CAMSAP2: variants seen among roughly 807,000 people sequenced by gnomAD.
CAMSAP2 encodes calmodulin regulated spectrin associated protein family member 2, also known as calmodulin-regulated spectrin-associated protein 2.
CAMSAP2 carries 26 observed loss-of-function variants against 146.1 expected under a neutral mutation model. The observed-to-expected ratio is 0.18, with a 90% CI of 0.13 to 0.25. The LOEUF is 0.25. CAMSAP2 is among the 10% of genes least tolerant of loss of function. CAMSAP2 has a pLI of 1.00. For missense variants in CAMSAP2, 1,381 were observed against 1,759.3 expected, an observed-to-expected ratio of 0.78 and a Z score of 3.85; for synonymous variants, 499 against 596.6, an observed-to-expected ratio of 0.84 and a Z score of 2.38.
chr1:200,783,029 G>A (rs564244994), intron 2 of CAMSAP2, among the ~76,000 whole-genome samples: 3 of 151,382 alleles, frequency 2.0e-5, no homozygotes, highest in Admixed American at 1.3e-4. Flanking sequence ...GCCTCCCAAA[G>A]TACTGGATTA....
chr1:200,791,508 A>G (rs182781311), intron 2 of CAMSAP2, among the ~76,000 whole-genome samples: 141 of 152,236 alleles, frequency 9.3e-4, no homozygotes, highest in South Asian at 2.7e-3. Flanking sequence ...TGTCCCACAC[A>G]CAGGTCACCG....
chr1:200,765,444 T>C (rs1664922322), intron 2 of CAMSAP2, among the ~76,000 whole-genome samples: 1 of 152,104 alleles, frequency 6.6e-6, no homozygotes, highest in African/African-American at 2.4e-5. Flanking sequence ...TTGGCCAGGC[T>C]GGTCTCGAGC....
At chr1:200,794,326 C>T (rs187364619) in intron 2 of CAMSAP2, among the ~76,000 whole-genome samples, 27 of 152,288 alleles carry the variant, frequency 1.8e-4, no homozygotes, top group Admixed American at 7.8e-4. Context: ...TGCAAATCAG[C>T]GGGTTTGGCA....
At chr1:200,814,131 C>CGGGGGGAGGGGGGGGCA (rs1553287674) in intron 3 of CAMSAP2, among the ~76,000 whole-genome samples, 2 of 14,302 alleles carry the variant, frequency 1.4e-4, no homozygotes, top group African/African-American at 4.8e-4. Flanking sequence ...AAAAAGGTGG[C>CGGGGGGAGGGGGGGGCA]GGGGGGAGGG....
At chr1:200,792,127 A>AT (rs34937962) in intron 2 of CAMSAP2, among the ~76,000 whole-genome samples, 48,116 of 151,982 alleles carry the variant, frequency 0.32, 8,667 homozygotes, top group East Asian at 0.52. Context: ...TAATAGTAAG[A>AT]TTAGTACTTC....
At position 200,849,564 on chromosome 1, in the gene CAMSAP2, A is replaced by G; in HGVS notation, c.2795A>G (p.Asp932Gly). 1.2e-6 allele frequency: 2 copies of G among 1,614,152 alleles called. No homozygotes were observed. The highest frequency in any genetic ancestry group is 1.7e-6 in the Non-Finnish European group (2 of 1,180,026). ...PQPSPQKQIR[D>G]FKPSKQAGLS... ...CCCTCTCCACAGAAACAGATTCGAGATTTTAAGCCTTCTAAGCAGGCAGGC... is the reference window on the plus strand; with the variant it reads ...CCCTCTCCACAGAAACAGATTCGAGGTTTTAAGCCTTCTAAGCAGGCAGGC... The change falls in exon 11 of 17, where the codon GAT (aspartate) becomes GGT (glycine). Residue 932 changes from aspartate to glycine, a missense_variant. By Grantham distance (94) the Asp-to-Gly change is moderately conservative. Around this residue, in one of 4 missense-constraint regions of CAMSAP2, gnomAD observed 560 missense variants for 715.9 expected, o/e 0.78. Transcript: ENST00000358823. This position sits in a 1 kb window ranked among gnomAD's most constrained non-coding sequence, Gnocchi z 6.3.
intron 6 of CAMSAP2, among the ~76,000 whole-genome samples, chr1:200,839,993 C>G (rs774607163): frequency 5.3e-5 from 8 of 152,108 alleles, no homozygotes; most frequent in Non-Finnish European, 1.2e-4. Context: ...TAGTATGTAT[C>G]TGTATATCAA....
chr1:200,783,852 A>T (rs191266804), intron 2 of CAMSAP2, among the ~76,000 whole-genome samples: 4 of 151,778 alleles, frequency 2.6e-5, no homozygotes, highest in Non-Finnish European at 2.9e-5. Context: ...CCAGTTTACA[A>T]TTTTTTTCTT....
At chr1:200,835,935 T>C (rs933657150) in intron 6 of CAMSAP2, among the ~76,000 whole-genome samples, 3 of 152,216 alleles carry the variant, frequency 2.0e-5, no homozygotes, top group African/African-American at 7.2e-5. Flanking sequence ...AGTCCTGATG[T>C]TTATATCAAC....
At chr1:200,817,321 GAAGA>G (rs1244646594) in intron 4 of CAMSAP2, among the ~76,000 whole-genome samples, 2 of 146,702 alleles carry the variant, frequency 1.4e-5, no homozygotes, top group African/African-American at 5.0e-5. Context: ...GTTGTTCTGT[GAAGA>G]AAGAAGAAAC....
intron 6 of CAMSAP2, among the ~76,000 whole-genome samples, chr1:200,841,419 TG>T (rs1372039392): frequency 6.6e-6 from 1 of 152,176 alleles, no homozygotes; most frequent in East Asian, 1.9e-4. Context: ...GCTAGTTTTT[TG>T]TATCTTTAGT....
Position 200,745,183 on chromosome 1 carries a change from C to G in CAMSAP2, c.139+5217C>G, listed in dbSNP as rs550274867. On this transcript the variant is annotated intron_variant, in intron 1 of 16. Transcript: ENST00000358823. ...TAATTCTTTGTTGTTGGGGGCTGTCCTGTGCATTCTAGGATTTTAGCGGCA... is the reference window on the plus strand; with the variant it reads ...TAATTCTTTGTTGTTGGGGGCTGTCGTGTGCATTCTAGGATTTTAGCGGCA... 3.9e-5 allele frequency among the ~76,000 whole-genome samples: 6 copies of G among 152,176 alleles called. No homozygotes were observed. In the South Asian group the frequency reaches 1.2e-3, roughly 32 times the overall value.
intron 6 of CAMSAP2, among the ~76,000 whole-genome samples, chr1:200,839,241 G>A (rs1041188831): frequency 2.6e-5 from 4 of 152,206 alleles, no homozygotes; most frequent in African/African-American, 9.6e-5. Flanking sequence ...CATCATTGGT[G>A]ACTTGAGCAG....
intron 2 of CAMSAP2, among the ~76,000 whole-genome samples, chr1:200,775,603 C>T (rs1289009185): frequency 6.6e-6 from 1 of 152,126 alleles, no homozygotes; most frequent in African/African-American, 2.4e-5. Context: ...AATCTCAGCT[C>T]ACTGCAACCT....
intron 1 of CAMSAP2, 59 bp from the exon 2 acceptor site, chr1:200,760,780 A>C: frequency 8.2e-7 from 1 of 1,219,716 alleles, no homozygotes. Context: ...TTATTAATTA[A>C]ATTCTATGTT....
intron 3 of CAMSAP2, among the ~76,000 whole-genome samples, chr1:200,814,234 C>T (rs1459715362): frequency 6.6e-6 from 1 of 151,764 alleles, no homozygotes; most frequent in African/African-American, 2.4e-5. Context: ...TTCCCCTCCC[C>T]GAATTGGTAA....
At chr1:200,753,873 T>G (rs1054899048) in intron 1 of CAMSAP2, among the ~76,000 whole-genome samples, 6 of 152,180 alleles carry the variant, frequency 3.9e-5, no homozygotes, top group African/African-American at 1.4e-4. Context: ...CTCTGCACAG[T>G]ACCATCCCTG....
chr1:200,777,746 T>C (rs1665321401), intron 2 of CAMSAP2, among the ~76,000 whole-genome samples: 1 of 152,194 alleles, frequency 6.6e-6, no homozygotes, highest in Non-Finnish European at 1.5e-5. Flanking sequence ...GCATATATTC[T>C]GTAATATAAT....
chr1:200,771,991 A>C (rs1168887135), intron 2 of CAMSAP2, among the ~76,000 whole-genome samples: 1 of 152,102 alleles, frequency 6.6e-6, no homozygotes, highest in African/African-American at 2.4e-5. Flanking sequence ...ACAATAAATA[A>C]ATAAAAAGCC....
Sources: allele counts gnomAD v4.1 joint callset (sites outside exome capture counted in the v4.1 genomes callset), GRCh38; gene constraint gnomAD v4.1.1; regional missense constraint gnomAD v4.1.1; non-coding constraint Gnocchi (gnomAD v3.1); transcripts MANE v1.5; gene names NCBI Gene and HGNC (gene_info 2026-07-23, HGNC 2026-07-21).